INKA2: variants seen among roughly 807,000 people sequenced by gnomAD.
The protein encoded by INKA2 is inka box actin regulator 2.
In INKA2, 3 loss-of-function variants were observed where a neutral mutation model predicts 9.8. That is an observed-to-expected ratio of 0.31 (90% CI 0.14 to 0.79). The LOEUF (loss-of-function observed/expected upper bound fraction) is 0.79. Among genes scored for constraint, INKA2 ranks in the 30% least tolerant of loss-of-function variants. The pLI is 0.62. For synonymous variants in INKA2, 147 were observed against 143.3 expected (o/e 1.03, Z -0.18); for missense variants, 392 against 384.4 (o/e 1.02, Z -0.17).
chr1:111,752,409 T>C (rs1314197828), intron 1 of INKA2, among the ~76,000 whole-genome samples: 1 of 152,216 alleles, frequency 6.6e-6, no homozygotes, highest in African/African-American at 2.4e-5. Flanking sequence ...TGCATCTGTC[T>C]CCCCAAGTGC....
chr1:111,749,770 A>G (rs907297168), intron 1 of INKA2, among the ~76,000 whole-genome samples: 11 of 152,042 alleles, frequency 7.2e-5, no homozygotes, highest in African/African-American at 2.4e-4. Context: ...TTTGTCTCTC[A>G]CCCAGATATC....
intron 1 of INKA2, among the ~76,000 whole-genome samples, chr1:111,736,646 A>G (rs1663013775): frequency 6.6e-6 from 1 of 152,260 alleles, no homozygotes; most frequent in Non-Finnish European, 1.5e-5. Flanking sequence ...AACTAAGGGC[A>G]GCGCCAGGCA....
Position 111,726,990 on chromosome 1 carries a change from A to G in INKA2, c.872T>C (p.Ile291Thr). The G allele has an allele frequency of 6.2e-7, 1 of 1,613,708 alleles. No individual in the cohort carries two copies. Among genetic ancestry groups the G allele is most frequent in the South Asian group, 1.1e-5 (1 of 91,020 alleles). Reference protein sequence around the residue: ...ALEHSPSGFDINTAVWV With the variant: ...ALEHSPSGFDTNTAVWV ...GATTCAGACCCAAACAGCTGTGTTA[A>G]TATCAAATCCTGAGGGTGAGTGCTC... Residue 291 changes from isoleucine (I) to threonine (T), a missense_variant, in exon 2 of 2, where the codon ATT becomes ACT. Transcript: ENST00000357260.
chr1:111,744,863 C>A (rs962306137), intron 1 of INKA2, among the ~76,000 whole-genome samples: 1 of 152,144 alleles, frequency 6.6e-6, no homozygotes, highest in Non-Finnish European at 1.5e-5. Context: ...ACTTAGACCA[C>A]CACTCTCACA....
At chr1:111,745,012 A>G (rs906338288) in intron 1 of INKA2, among the ~76,000 whole-genome samples, 4 of 151,996 alleles carry the variant, frequency 2.6e-5, no homozygotes, top group African/African-American at 4.8e-5. Flanking sequence ...AACTTCATGT[A>G]TGAATGGCTC....
chr1:111,751,422 T>C (rs1373846219), intron 1 of INKA2, among the ~76,000 whole-genome samples: 1 of 152,248 alleles, frequency 6.6e-6, no homozygotes, highest in African/African-American at 2.4e-5. Flanking sequence ...CTTGCATATT[T>C]CATGCTTGAT....
intron 1 of INKA2, among the ~76,000 whole-genome samples, chr1:111,730,636 C>A (rs1000566472): frequency 3.9e-5 from 6 of 152,204 alleles, no homozygotes; most frequent in East Asian, 3.8e-4. Context: ...AGACGTACCC[C>A]CCATGCTCCT....
At chr1:111,755,652 C>T (rs751565975) in intron 1 of INKA2, 2 of 1,609,872 alleles carry the variant, frequency 1.2e-6, no homozygotes, top group South Asian at 2.2e-5. Flanking sequence ...GGGCGGTGCC[C>T]CCACCGCAGG....
intron 1 of INKA2, among the ~76,000 whole-genome samples, chr1:111,744,832 G>A (rs573633293): frequency 6.2e-4 from 95 of 152,146 alleles, no homozygotes; most frequent in African/African-American, 2.1e-3. Context: ...TGCCCGCCTC[G>A]TGCTTTTACC....
intron 1 of INKA2, among the ~76,000 whole-genome samples, chr1:111,732,099 T>A (rs531027307): frequency 1.3e-5 from 2 of 152,184 alleles, no homozygotes; most frequent in East Asian, 3.9e-4. Context: ...GCCAGGACAG[T>A]GGTGGGGCAG....
upstream of INKA2, among the ~76,000 whole-genome samples, chr1:111,743,336 A>T (rs1175777223): frequency 6.6e-6 from 1 of 152,224 alleles, no homozygotes; most frequent in African/African-American, 2.4e-5. Context: ...GAAGGTACGT[A>T]GCCATTTGCC....
chr1:111,730,637 C>G (rs748795871), intron 1 of INKA2, among the ~76,000 whole-genome samples: 1 of 152,204 alleles, frequency 6.6e-6, no homozygotes, highest in Non-Finnish European at 1.5e-5. Context: ...GACGTACCCC[C>G]CATGCTCCTG....
chr1:111,740,971 TAAAAAAAAA>T (rs869221820), upstream of INKA2, among the ~76,000 whole-genome samples: 11 of 38,384 alleles, frequency 2.9e-4, 3 homozygotes, highest in African/African-American at 1.4e-3. Context: ...AAACTCCGTT[TAAAAAAAAA>T]AAAAAAAAAA....
At chr1:111,735,028 A>G (rs1445823845) in intron 1 of INKA2, among the ~76,000 whole-genome samples, 1 of 152,154 alleles carries the variant, frequency 6.6e-6, no homozygotes, top group African/African-American at 2.4e-5. Flanking sequence ...TAGCCTTCCC[A>G]TGTCTTTATT....
intron 1 of INKA2, chr1:111,746,694 T>C (rs558680345): frequency 1.3e-5 from 2 of 152,298 alleles, no homozygotes; most frequent in African/African-American, 2.4e-5. Context: ...GTCTAACATA[T>C]ATTGGAGGCT....
At chr1:111,732,519 T>C (rs967744492) in intron 1 of INKA2, among the ~76,000 whole-genome samples, 1 of 151,146 alleles carries the variant, frequency 6.6e-6, no homozygotes, top group Non-Finnish European at 1.5e-5. Context: ...CCTGATTAGT[T>C]TGAGCAAGAG....
At chr1:111,730,701 T>C (rs954883643) in intron 1 of INKA2, among the ~76,000 whole-genome samples, 4 of 152,232 alleles carry the variant, frequency 2.6e-5, no homozygotes, top group African/African-American at 9.6e-5. Context: ...CTGCCACTTA[T>C]GCACTCACCT....
At chr1:111,744,770 C>T (rs571140481) in intron 1 of INKA2, among the ~76,000 whole-genome samples, 35 of 152,058 alleles carry the variant, frequency 2.3e-4, no homozygotes, top group South Asian at 8.3e-4. Flanking sequence ...TTAGTAGAGA[C>T]GGGGTTTCAC....
At position 111,724,664 on chromosome 1, in the gene INKA2, A is replaced by C. The variant is rs530710071; in HGVS notation, c.*2304T>G. On this transcript the variant is annotated 3_prime_UTR_variant, in exon 2 of 2. Coordinates refer to ENST00000357260, the MANE Select transcript of INKA2 (RefSeq NM_019099.5). ...CCACCTCCAAAGGCAGTCAGAGCCA[A>C]CGTTCCCTCACTCAAAACTGAAATG... 2.6e-5 allele frequency: 4 copies of C among 153,150 alleles called. No individual in the cohort carries two copies. Among genetic ancestry groups the C allele is most frequent in the Admixed American group, 2.0e-4 (3 of 15,282 alleles). The allele number at this position is 153,150 out of a possible 1,614,324, so 9.5% of individuals were successfully genotyped here. A position where few individuals can be genotyped will look rare whatever the true frequency, so the allele number is the denominator to read the frequency against.
Sources: gnomAD v4.1 joint callset for allele counts (sites outside exome capture counted in the v4.1 genomes callset) on GRCh38, gnomAD v4.1.1 for gene constraint, MANE v1.5 for transcripts, NCBI Gene and HGNC (gene_info 2026-07-23, HGNC 2026-07-21) for gene names.